The following RBM27 variants were observed in gnomAD, a reference collection of about 807,000 sequenced individuals.
RBM27 encodes the protein RNA-binding protein 27.
RBM27 carries 22 observed loss-of-function variants against 135.3 expected under a neutral mutation model. The ratio of observed to expected loss-of-function variants is 0.16; its 90% confidence interval spans 0.12 to 0.23. The LOEUF (loss-of-function observed/expected upper bound fraction) is 0.23, where lower values mean the gene tolerates loss of function less well. Among genes scored for constraint, RBM27 ranks in the 10% least tolerant of loss-of-function variants. The pLI, the probability that RBM27 is intolerant of heterozygous loss-of-function variation, is 1.00. For synonymous variants in RBM27, 481 were observed against 442.4 expected (o/e 1.09, Z -1.10); for missense variants, 1,009 against 1,281.0 (o/e 0.79, Z 3.24).
At chr5:146,208,091 G>T (rs1755779370) in intron 1 of RBM27, among the ~76,000 whole-genome samples, 1 of 151,262 alleles carries the variant, frequency 6.6e-6, no homozygotes, top group Non-Finnish European at 1.5e-5. Flanking sequence ...TGAGTAGCTG[G>T]GATTACAGGT....
At chr5:146,250,189 G>T (rs1757821213) in intron 8 of RBM27, among the ~76,000 whole-genome samples, 1 of 151,976 alleles carries the variant, frequency 6.6e-6, no homozygotes, top group Admixed American at 6.6e-5. Context: ...GCTGGGTCCG[G>T]TGGCACTTTG....
In RBM27 at chr5:146,227,245, C is replaced by T. The variant is rs562652215; in HGVS notation, c.304-1701C>T. On this transcript the variant is annotated intron_variant, in intron 3 of 20. Transcript: ENST00000265271. The stretch of plus-strand genomic sequence containing the variant: ...TGCCTTCATTGCCTGTTTTCTTTAC[C>T]TCATCTTTTTCCTTAAATTTTATTT... 2.6e-5 allele frequency among the ~76,000 whole-genome samples: 4 copies of T among 152,272 alleles called. No homozygotes were observed. The South Asian group carries it at 6.2e-4, about 24-fold the overall frequency.
chr5:146,235,998 A>C (rs538234625), intron 7 of RBM27, among the ~76,000 whole-genome samples: 1 of 152,264 alleles, frequency 6.6e-6, no homozygotes, highest in South Asian at 2.1e-4. Flanking sequence ...CCCATATGTG[A>C]ATATTTAATA....
intron 5 of RBM27, 22 bp from the exon 6 acceptor site, chr5:146,230,635 T>G: frequency 2.0e-6 from 3 of 1,518,624 alleles, no homozygotes; most frequent in Non-Finnish European, 2.7e-6. Context: ...TGTTTTCTGT[T>G]TTTAATTTTG....
chr5:146,254,857 T>A lies in RBM27; in HGVS notation c.1445-86T>A, dbSNP rs1370194109. On this transcript the variant is annotated intron_variant, in intron 9 of 20. Transcript: ENST00000265271. ...TATTTGTTGGAGAATATATGTTTTT[T>A]AAGCAGTTGTTTATTTTATAACAAT... 2.3e-5 allele frequency: 28 copies of A among 1,204,664 alleles called. No homozygotes were observed. In the South Asian group the frequency reaches 3.0e-4, roughly 13 times the overall value. 74.6% of individuals were successfully genotyped at this position (1,204,664 alleles called of 1,614,324 possible).
In RBM27 at chr5:146,269,249, G is replaced by C. The variant is rs1253605311; in HGVS notation, c.2494G>C (p.Glu832Gln). 29 of 1,609,570 alleles carry C rather than the reference G, an allele frequency of 1.8e-5. No homozygotes were observed. The highest frequency in any genetic ancestry group is 2.4e-5 in the Non-Finnish European group (28 of 1,177,066). The part of the protein sequence containing the change: ...LQQDMRKKRQ[E>Q]VLEKQIECQK... ...ACAAGATATGAGGAAAAAAAGACAGGAAGTGTTAGAAAAGCAAATAGAATG... is the reference window on the plus strand; with the variant it reads ...ACAAGATATGAGGAAAAAAAGACAGCAAGTGTTAGAAAAGCAAATAGAATG... Residue 832 changes from glutamate to glutamine, a missense_variant, in exon 16 of 21, where the codon GAA becomes CAA. Transcript: ENST00000265271.
At chr5:146,285,683 A>C (rs1029198284) in intron 20 of RBM27, among the ~76,000 whole-genome samples, 1 of 152,098 alleles carries the variant, frequency 6.6e-6, no homozygotes, top group Non-Finnish European at 1.5e-5. Context: ...TTTCTGTACT[A>C]AATGTCCACA....
At chr5:146,272,798 G>C (rs1200017942) in intron 19 of RBM27, among the ~76,000 whole-genome samples, 1 of 152,010 alleles carries the variant, frequency 6.6e-6, no homozygotes, top group Non-Finnish European at 1.5e-5. Flanking sequence ...GTTTTTATTA[G>C]TTTGATGCCC....
intron 1 of RBM27, 125 bp downstream of exon 1, chr5:146,203,949 C>G (rs767189578): frequency 1.2e-5 from 12 of 973,604 alleles, no homozygotes; most frequent in Non-Finnish European, 1.5e-5. Flanking sequence ...CCCGGCGACG[C>G]CTTCCCTGTA....
At position 146,286,080 on chromosome 5, in the gene RBM27, CTT is replaced by C. The variant is rs1759568854; in HGVS notation, c.*53_*54del. Reference sequence around the variant, plus strand: ...TTAGGAATATTGTTTAGAAGAACAACTTTTAAAAATTATTTAAAAGAAGTCAA... The same window carrying C: ...TTAGGAATATTGTTTAGAAGAACAACTTAAAAATTATTTAAAAGAAGTCAA... On this transcript the variant is annotated 3_prime_UTR_variant, in exon 21 of 21. Coordinates refer to ENST00000265271, the MANE Select transcript of RBM27 (RefSeq NM_018989.2). 1.4e-5 allele frequency: 21 copies of C among 1,501,870 alleles called. No homozygotes were observed. Among genetic ancestry groups the C allele is most frequent in the Non-Finnish European group, 1.9e-5 (21 of 1,112,170 alleles). 93.0% of individuals were successfully genotyped at this position (1,501,870 alleles called of 1,614,324 possible).
At position 146,234,338 on chromosome 5, in the gene RBM27, A is replaced by G. The variant is rs188046842; in HGVS notation, c.1144+595A>G. Among the ~76,000 whole-genome samples the G allele has an allele frequency of 1.3e-3, 196 of 152,316 alleles. No homozygotes were observed. The Middle Eastern group carries it at 0.017, about 13-fold the overall frequency. The stretch of plus-strand genomic sequence containing the variant: ...TAGTATGTGTGTTGCAGGTACCATC[A>G]TCCAGCCTCAATGACGATCAATATT... On this transcript the variant is annotated intron_variant, in intron 7 of 20. Transcript: ENST00000265271.
intron 10 of RBM27, among the ~76,000 whole-genome samples, chr5:146,256,044 C>T (rs1426757483): frequency 4.0e-5 from 6 of 151,020 alleles, no homozygotes; most frequent in African/African-American, 7.3e-5. Context: ...TTAGTATAGA[C>T]GGGGTTTCAC....
At chr5:146,212,766 G>C (rs1233824803) in intron 1 of RBM27, among the ~76,000 whole-genome samples, 1 of 150,598 alleles carries the variant, frequency 6.6e-6, no homozygotes, top group Non-Finnish European at 1.5e-5. Flanking sequence ...CTGGAGTGCA[G>C]TGGCGTGATC....
intron 17 of RBM27, among the ~76,000 whole-genome samples, chr5:146,270,674 A>G (rs1349384210): frequency 1.3e-5 from 2 of 152,186 alleles, no homozygotes; most frequent in African/African-American, 4.8e-5. Context: ...ATACTTTATT[A>G]TGTGACAGTT....
At chr5:146,259,654 T>A (rs2126846262) in intron 11 of RBM27, among the ~76,000 whole-genome samples, 1 of 152,078 alleles carries the variant, frequency 6.6e-6, no homozygotes, top group Non-Finnish European at 1.5e-5. Context: ...AATCTATTGC[T>A]GTTCACCTTT....
At chr5:146,247,060 C>T (rs1212253621) in intron 8 of RBM27, among the ~76,000 whole-genome samples, 1 of 151,452 alleles carries the variant, frequency 6.6e-6, no homozygotes, top group Admixed American at 6.6e-5. Context: ...GATGAGGGCT[C>T]CCCATGTTGC....
At chr5:146,239,319 C>T (rs564027368) in intron 8 of RBM27, among the ~76,000 whole-genome samples, 10 of 152,180 alleles carry the variant, frequency 6.6e-5, no homozygotes, top group African/African-American at 2.4e-4. Flanking sequence ...TTTAACTTCC[C>T]TAAGTCATAC....
At chr5:146,208,165 C>T (rs1321335782) in intron 1 of RBM27, among the ~76,000 whole-genome samples, 1 of 151,890 alleles carries the variant, frequency 6.6e-6, no homozygotes, top group Non-Finnish European at 1.5e-5. Flanking sequence ...CCACGTTGGT[C>T]AGGCTGGTCT....
At chr5:146,214,245 C>A (rs991042762) in intron 1 of RBM27, among the ~76,000 whole-genome samples, 7 of 151,956 alleles carry the variant, frequency 4.6e-5, no homozygotes, top group African/African-American at 1.7e-4. Context: ...AATAAAAGTC[C>A]CTTTTTGTCT....
Sources: gnomAD v4.1 joint callset for allele counts (sites outside exome capture counted in the v4.1 genomes callset) on GRCh38, gnomAD v4.1.1 for gene constraint, MANE v1.5 for transcripts, NCBI Gene and HGNC (gene_info 2026-07-23, HGNC 2026-07-21) for gene names.